TMTC2: variants seen among roughly 807,000 people sequenced by gnomAD.
The protein encoded by TMTC2 is transmembrane O-mannosyltransferase targeting cadherins 2, also known as protein O-mannosyl-transferase TMTC2.
TMTC2 carries 43 observed loss-of-function variants against 82.4 expected under a neutral mutation model. The ratio of observed to expected loss-of-function variants is 0.52; its 90% CI spans 0.41 to 0.67. The LOEUF (loss-of-function observed/expected upper bound fraction) is 0.67. TMTC2 is among the 30% of genes least tolerant of loss of function. The pLI is 0.00. For synonymous variants in TMTC2, 408 were observed against 381.9 expected, an observed-to-expected ratio of 1.07 and a Z score of -0.80; for missense variants, 919 against 1,012.4, an observed-to-expected ratio of 0.91 and a Z score of 1.25.
chr12:83,041,868 C>T lies in TMTC2; in HGVS notation c.2153-9036C>T, dbSNP rs537948393. Among the ~76,000 whole-genome samples the T allele has an allele frequency of 5.3e-5, 8 of 152,296 alleles. No homozygotes were observed. In the South Asian group the frequency reaches 8.3e-4, roughly 16 times the overall value. Reference sequence around the variant, plus strand: ...TGTAGCTACAAATCTCAACATGGCTCATCTTGGAGAACTCTGTAGTGTCTA... The same window carrying T: ...TGTAGCTACAAATCTCAACATGGCTTATCTTGGAGAACTCTGTAGTGTCTA... On this transcript the variant is annotated intron_variant, in intron 9 of 11. Coordinates refer to ENST00000321196, the MANE Select transcript of TMTC2 (RefSeq NM_152588.3).
intron 4 of TMTC2, among the ~76,000 whole-genome samples, chr12:82,954,345 A>G (rs952803107): frequency 6.6e-6 from 1 of 152,066 alleles, no homozygotes; most frequent in Non-Finnish European, 1.5e-5. Flanking sequence ...ATGGGTTCCC[A>G]AAACACCTTA....
At chr12:82,754,019 G>C (rs931655714) in intron 1 of TMTC2, among the ~76,000 whole-genome samples, 1 of 152,164 alleles carries the variant, frequency 6.6e-6, no homozygotes, top group African/African-American at 2.4e-5. Context: ...AAATAGAGAT[G>C]TCACCAGAAT....
chr12:83,014,717 G>C (rs961894069), intron 8 of TMTC2, among the ~76,000 whole-genome samples: 1 of 80,620 alleles, frequency 1.2e-5, no homozygotes, highest in Non-Finnish European at 2.5e-5. Flanking sequence ...AAAAGGTCTA[G>C]TTAAGAAGAG....
At chr12:82,902,241 C>T (rs1874058617) in intron 3 of TMTC2, among the ~76,000 whole-genome samples, 1 of 152,066 alleles carries the variant, frequency 6.6e-6, no homozygotes, top group Admixed American at 6.6e-5. Context: ...AAGGAAAACC[C>T]CCAAAAGTTT....
intron 3 of TMTC2, among the ~76,000 whole-genome samples, chr12:82,919,972 C>G (rs1443048637): frequency 6.6e-6 from 1 of 152,164 alleles, no homozygotes; most frequent in Non-Finnish European, 1.5e-5. Flanking sequence ...TAGCCTGATT[C>G]TCCAAATTTC....
intron 9 of TMTC2, among the ~76,000 whole-genome samples, chr12:83,047,693 G>A (rs763568347): frequency 3.3e-5 from 5 of 151,992 alleles, no homozygotes; most frequent in Admixed American, 6.6e-5. Flanking sequence ...TGATCATATC[G>A]GAATTTTTTT....
intron 11 of TMTC2, among the ~76,000 whole-genome samples, chr12:83,129,889 G>GTATT (rs540446617): frequency 6.6e-6 from 1 of 152,154 alleles, no homozygotes; most frequent in Non-Finnish European, 1.5e-5. Context: ...GGTAGAGCTG[G>GTATT]TATTTGAACC....
At chr12:82,994,925 G>T (rs1357872261) in intron 8 of TMTC2, among the ~76,000 whole-genome samples, 1 of 151,982 alleles carries the variant, frequency 6.6e-6, no homozygotes, top group African/African-American at 2.4e-5. Context: ...CCACTTGGAA[G>T]ATTCCACCCC....
At chr12:82,735,695 G>C (rs916232100) in intron 1 of TMTC2, among the ~76,000 whole-genome samples, 1 of 151,498 alleles carries the variant, frequency 6.6e-6, no homozygotes, top group South Asian at 2.1e-4. Context: ...GGTCGGGTGC[G>C]GTGGCTCACG....
chr12:83,091,872 A>G (rs1000871776), intron 11 of TMTC2, among the ~76,000 whole-genome samples: 1 of 152,198 alleles, frequency 6.6e-6, no homozygotes, highest in Non-Finnish European at 1.5e-5. Context: ...GATGGAGTCC[A>G]TATTGAGATT....
chr12:82,997,370 ATATATATATATGTG>A (rs1175103186), intron 8 of TMTC2, among the ~76,000 whole-genome samples: 57 of 17,346 alleles, frequency 3.3e-3, no homozygotes, highest in African/African-American at 4.0e-3. Flanking sequence ...ATATATGTGT[ATATATATATATGTG>A]TATATATATA....
chr12:82,701,642 C>A (rs924310684), intron 1 of TMTC2, among the ~76,000 whole-genome samples: 5 of 149,306 alleles, frequency 3.3e-5, no homozygotes, highest in Non-Finnish European at 7.4e-5. Context: ...AAGCCTGTAA[C>A]CCCAGCTACT....
At chr12:83,045,707 T>TCACACACACACACACA (rs143555229) in intron 9 of TMTC2, among the ~76,000 whole-genome samples, 2,018 of 122,664 alleles carry the variant, frequency 0.016, 96 homozygotes, top group Middle Eastern at 0.023. Context: ...AAGGGCTCCT[T>TCACACACACACACACA]CACACACACA....
In TMTC2 at chr12:82,968,240, G is replaced by T. The variant is rs192592751; in HGVS notation, c.1948+1243G>T. ...TTAATTGTCACTTTTTTCCTCTTTG[G>T]TATAATTACTAAAAGGTAAAATTTA... On this transcript the variant is annotated intron_variant, in intron 7 of 11. Coordinates refer to ENST00000321196, the MANE Select transcript of TMTC2 (RefSeq NM_152588.3). Among the ~76,000 whole-genome samples, 25 of 151,942 alleles carry T rather than the reference G, an allele frequency of 1.6e-4. No individual in the cohort carries two copies. In the East Asian group the frequency reaches 3.7e-3, roughly 22 times the overall value.
At chr12:82,942,745 C>A (rs966532574) in intron 4 of TMTC2, among the ~76,000 whole-genome samples, 2 of 151,992 alleles carry the variant, frequency 1.3e-5, no homozygotes, top group African/African-American at 4.8e-5. Flanking sequence ...AGAATTACTA[C>A]ATGATGACCT....
At chr12:83,060,109 G>GACATTGAAATTGAGCTTTA (rs1465279892) in intron 10 of TMTC2, among the ~76,000 whole-genome samples, 7 of 151,610 alleles carry the variant, frequency 4.6e-5, no homozygotes, top group Non-Finnish European at 8.9e-5. Context: ...TACTTCTCTT[G>GACATTGAAATTGAGCTTTA]ACATTGAAAT....
At chr12:82,869,750 G>A (rs1034206636) in intron 2 of TMTC2, among the ~76,000 whole-genome samples, 1 of 151,510 alleles carries the variant, frequency 6.6e-6, no homozygotes, top group Non-Finnish European at 1.5e-5. Flanking sequence ...GAGGCAGGAG[G>A]ATCACTTCAG....
intron 1 of TMTC2, among the ~76,000 whole-genome samples, chr12:82,689,770 G>A (rs1230251258): frequency 6.6e-6 from 1 of 152,086 alleles, no homozygotes; most frequent in Non-Finnish European, 1.5e-5. Context: ...GTTAAAATTC[G>A]TGACTTCTAT....
chr12:83,041,257 G>A (rs1053218535), intron 9 of TMTC2, among the ~76,000 whole-genome samples: 1 of 152,200 alleles, frequency 6.6e-6, no homozygotes, highest in Non-Finnish European at 1.5e-5. Flanking sequence ...GATGTAGGGA[G>A]TAGACAATGC....
Sources: allele counts gnomAD v4.1 joint callset (sites outside exome capture counted in the v4.1 genomes callset), GRCh38; gene constraint gnomAD v4.1.1; transcripts MANE v1.5; gene names NCBI Gene and HGNC (gene_info 2026-07-23, HGNC 2026-07-21).